Variants in GPBP1 observed in about 807,000 individuals in gnomAD.
GPBP1 encodes the protein GC-rich promoter binding protein 1, also known as vasculin.
A neutral mutation model predicts 56.5 loss-of-function variants in GPBP1; 13 were observed. The ratio of observed to expected loss-of-function variants is 0.23; its 90% CI spans 0.15 to 0.37. The LOEUF (loss-of-function observed/expected upper bound fraction) is 0.37, where lower values mean the gene tolerates loss of function less well. GPBP1 is among the 10% of genes least tolerant of loss of function. The pLI is 1.00. For missense variants in GPBP1, 477 were observed against 572.3 expected, an observed-to-expected ratio of 0.83 and a Z score of 1.70; for synonymous variants, 204 against 188.9, an observed-to-expected ratio of 1.08 and a Z score of -0.66.
chr5:57,183,765 A>T (rs1026357161), intron 2 of GPBP1, among the ~76,000 whole-genome samples: 6 of 133,280 alleles, frequency 4.5e-5, no homozygotes, highest in African/African-American at 1.1e-4. Flanking sequence ...GGGGATATGA[A>T]TTTTTTTTTT....
At chr5:57,190,252 G>C (rs182140908) in intron 2 of GPBP1, among the ~76,000 whole-genome samples, 17 of 151,782 alleles carry the variant, frequency 1.1e-4, no homozygotes, top group Admixed American at 3.3e-4. Context: ...ATTTGTTATT[G>C]GATTATAGGA....
At chr5:57,196,715 C>A (rs997470756) in intron 2 of GPBP1, among the ~76,000 whole-genome samples, 2 of 152,008 alleles carry the variant, frequency 1.3e-5, no homozygotes, top group African/African-American at 4.8e-5. Flanking sequence ...GCCTCAGCCC[C>A]CCAAGTAGCT....
intron 2 of GPBP1, among the ~76,000 whole-genome samples, chr5:57,211,570 G>T (rs911931041): frequency 5.2e-5 from 5 of 96,126 alleles, no homozygotes; most frequent in Admixed American, 3.8e-4. Flanking sequence ...GTTTGCCTCC[G>T]GGGATTTTGT....
intron 3 of GPBP1, among the ~76,000 whole-genome samples, chr5:57,223,545 A>AT (rs1346295668): frequency 1.3e-5 from 2 of 152,064 alleles, no homozygotes; most frequent in African/African-American, 4.8e-5. Flanking sequence ...GCTCTCTACC[A>AT]TCCACAGACA....
Position 57,246,434 on chromosome 5 carries a change from C to G in GPBP1, c.613C>G (p.Pro205Ala), listed in dbSNP as rs778722568. The change falls in exon 7 of 12, where the codon CCA becomes GCA. Residue 205 changes from proline (P) to alanine (A), a missense_variant. Transcript: ENST00000506184. ...PSQPVKNGTG[P>A]SVYKGLVPKP... Reference sequence around the variant, plus strand: ...ACAGCCAGTTAAGAATGGAACTGGTCCAAGTGTTTATAAAGGTTTAGTCCC... The same window carrying G: ...ACAGCCAGTTAAGAATGGAACTGGTGCAAGTGTTTATAAAGGTTTAGTCCC... 3.7e-6 allele frequency: 6 copies of G among 1,613,456 alleles called. No homozygotes were observed. The African/African-American group carries it at 5.3e-5, about 14-fold the overall frequency.
At chr5:57,236,759 T>G (rs1248183201) in intron 6 of GPBP1, among the ~76,000 whole-genome samples, 4 of 152,102 alleles carry the variant, frequency 2.6e-5, no homozygotes, top group Non-Finnish European at 4.4e-5. Context: ...ATCTGAAAAA[T>G]AAAATTAATC....
intron 2 of GPBP1, among the ~76,000 whole-genome samples, chr5:57,203,370 T>C (rs1017734568): frequency 5.3e-5 from 8 of 152,176 alleles, no homozygotes; most frequent in Non-Finnish European, 7.3e-5. Context: ...GCGCTGTGGC[T>C]CACACCTATA....
At chr5:57,230,687 A>G (rs1475732512) in intron 3 of GPBP1, 159 bp from the exon 4 acceptor site, 3 of 685,090 alleles carry the variant, frequency 4.4e-6, no homozygotes, top group East Asian at 2.7e-5. Context: ...CGGTGAATCC[A>G]TTATACAGTT....
intron 6 of GPBP1, among the ~76,000 whole-genome samples, chr5:57,238,819 G>A (rs974122424): frequency 6.6e-6 from 1 of 152,116 alleles, no homozygotes; most frequent in Non-Finnish European, 1.5e-5. Flanking sequence ...GCTCATATTT[G>A]ATATACTACT....
At chr5:57,262,529 ATAT>A in intron 11 of GPBP1, 62 bp from the exon 12 acceptor site, 2 of 1,201,468 alleles carry the variant, frequency 1.7e-6, no homozygotes, top group Non-Finnish European at 2.4e-6. Flanking sequence ...ATTCATGCTT[ATAT>A]TATTACAGTA....
intron 3 of GPBP1, among the ~76,000 whole-genome samples, chr5:57,215,577 T>TAA (rs1005885561): frequency 6.6e-6 from 1 of 152,216 alleles, no homozygotes; most frequent in Non-Finnish European, 1.5e-5. Flanking sequence ...CTGACCCTAG[T>TAA]AGGGCTCTCC....
chr5:57,176,749 C>A (rs982057300), intron 2 of GPBP1, among the ~76,000 whole-genome samples: 1 of 152,174 alleles, frequency 6.6e-6, no homozygotes, highest in East Asian at 1.9e-4. Flanking sequence ...AAATAATTCA[C>A]CACGTGTCTT....
At position 57,230,968 on chromosome 5, in the gene GPBP1, A is replaced by C. The variant is rs144985456; in HGVS notation, c.186A>C (p.Gly62=). The C allele has an allele frequency of 1.7e-4, 275 of 1,597,034 alleles. No individual in the cohort carries two copies. Among genetic ancestry groups the C allele is most frequent in the Non-Finnish European group, 2.2e-4 (257 of 1,174,062 alleles). ...ATTCTGCTATTGGGCGTCCTAATGG[A>C]GGTAAAATTTGCTAAGGAATGATGT... ...GFDSAIGRPN[G]GNFGRKEKNG... is the part of the protein sequence containing the mutation. The change falls in exon 4 of 12, where the codon GGA becomes GGC. Residue 62 remains glycine, a splice_region_variant and synonymous_variant. Transcript: ENST00000506184.
At chr5:57,225,080 C>G (rs1200636710) in intron 3 of GPBP1, among the ~76,000 whole-genome samples, 1 of 152,066 alleles carries the variant, frequency 6.6e-6, no homozygotes, top group African/African-American at 2.4e-5. Flanking sequence ...GAAGTCACAG[C>G]TCTTGTACTT....
At chr5:57,183,888 A>G (rs2111591231) in intron 2 of GPBP1, among the ~76,000 whole-genome samples, 1 of 149,546 alleles carries the variant, frequency 6.7e-6, no homozygotes, top group African/African-American at 2.5e-5. Context: ...CCTTTCTTTC[A>G]CATCAGCCTT....
chr5:57,229,680 G>C (rs1470338078), intron 3 of GPBP1, among the ~76,000 whole-genome samples: 1 of 147,620 alleles, frequency 6.8e-6, no homozygotes, highest in South Asian at 2.2e-4. Context: ...AACTACAGGC[G>C]TGTGCCACCA....
chr5:57,246,424 T>A lies in GPBP1; in HGVS notation c.603T>A (p.Asn201Lys), dbSNP rs754481896. 1.4e-5 allele frequency: 23 copies of A among 1,614,008 alleles called. No homozygotes were observed. Among genetic ancestry groups the A allele is most frequent in the Non-Finnish European group, 1.8e-5 (21 of 1,179,890 alleles). ...ATCTTCCGTCACAGCCAGTTAAGAATGGAACTGGTCCAAGTGTTTATAAAG... is the reference window on the plus strand; with the variant it reads ...ATCTTCCGTCACAGCCAGTTAAGAAAGGAACTGGTCCAAGTGTTTATAAAG... ...VGNLPSQPVK[N>K]GTGPSVYKGL... Residue 201 changes from asparagine (N) to lysine (K), a missense_variant, in exon 7 of 12, where the codon AAT becomes AAA. Asn to Lys is a moderately conservative substitution (Grantham distance 94). Coordinates refer to ENST00000506184, the MANE Select transcript of GPBP1 (RefSeq NM_022913.4).
intron 3 of GPBP1, among the ~76,000 whole-genome samples, chr5:57,215,800 C>A (rs1321498575): frequency 6.6e-6 from 1 of 151,508 alleles, no homozygotes. Flanking sequence ...CTAGGTGGAG[C>A]AATAGCCTGA....
intron 9 of GPBP1, among the ~76,000 whole-genome samples, chr5:57,250,575 C>G (rs1439283967): frequency 7.2e-6 from 1 of 138,562 alleles, no homozygotes; most frequent in African/African-American, 2.7e-5. Flanking sequence ...TAGAGTTTTG[C>G]TCTTGTCTGG....
Sources: gnomAD v4.1 joint callset for allele counts (sites outside exome capture counted in the v4.1 genomes callset) on GRCh38, gnomAD v4.1.1 for gene constraint, MANE v1.5 for transcripts, NCBI Gene and HGNC (gene_info 2026-07-23, HGNC 2026-07-21) for gene names.